The following RORB variants were observed in gnomAD, a reference collection of about 807,000 sequenced individuals.
The protein encoded by RORB is nuclear receptor ROR-beta.
A neutral mutation model predicts 59.1 loss-of-function variants in RORB; 6 were observed. That is an observed-to-expected ratio of 0.10 (90% CI 0.06 to 0.20). The LOEUF (loss-of-function observed/expected upper bound fraction) is 0.20, where lower values mean the gene tolerates loss of function less well. RORB is among the 10% of genes least tolerant of loss of function. The probability of loss-of-function intolerance (pLI) is 1.00; values close to 1 mark genes in which losing one functional copy is unlikely to be tolerated. For missense variants in RORB, 320 were observed against 560.5 expected (o/e 0.57, Z 4.33); for synonymous variants, 215 against 204.5 (o/e 1.05, Z -0.44).
Position 74,634,719 on chromosome 9 carries a change from G to A in RORB, c.182G>A (p.Arg61His), listed in dbSNP as rs746343452. 3 of 1,613,608 alleles carry A rather than the reference G, an allele frequency of 1.9e-6. No homozygotes were observed. Among genetic ancestry groups the A allele is most frequent in the Admixed American group, 1.7e-5 (1 of 59,968 alleles). ...NCLIDRTNRN[R>H]CQHCRLQKCL... The stretch of plus-strand genomic sequence containing the variant: ...TTAATTGACAGAACGAACAGAAACC[G>A]TTGCCAACACTGCCGACTGCAGAAG... The change falls in exon 3 of 10, where the codon CGT becomes CAT. Residue 61 changes from arginine (R) to histidine (H), a missense_variant. Arg to His is a conservative substitution (Grantham distance 29). Coordinates refer to ENST00000376896, the MANE Select transcript of RORB (RefSeq NM_006914.4).
chr9:74,642,806 A>G lies in RORB; in HGVS notation c.628A>G (p.Thr210Ala). The G allele has an allele frequency of 6.3e-7, 1 of 1,586,402 alleles. No individual in the cohort carries two copies. Among genetic ancestry groups the G allele is most frequent in the Non-Finnish European group, 8.6e-7 (1 of 1,162,378 alleles). ...NGQLAPGITM[T>A]EIDRIAQNII... ...GCAGTTAGCACCAGGGATAACCATG[A>G]CTGAAATCGGTAAGTGGAAGTCTCC... Residue 210 changes from threonine to alanine, a missense_variant, in exon 4 of 10, where the codon ACT (threonine) becomes GCT (alanine). Thr to Ala is a moderately conservative substitution (Grantham distance 58, BLOSUM62 0). Coordinates refer to ENST00000376896, the MANE Select transcript of RORB (RefSeq NM_006914.4).
chr9:74,577,277 C>A (rs1260176646), intron 1 of RORB, among the ~76,000 whole-genome samples: 7 of 152,048 alleles, frequency 4.6e-5, no homozygotes, highest in Non-Finnish European at 8.8e-5. Flanking sequence ...GTAAAAGAGT[C>A]CTATCCTCCT....
At chr9:74,541,699 C>T (rs1229354771) in intron 1 of RORB, among the ~76,000 whole-genome samples, 5 of 152,136 alleles carry the variant, frequency 3.3e-5, no homozygotes, top group Non-Finnish European at 4.4e-5. Context: ...ATAAGCTTCC[C>T]TTTAATAAAC....
intron 4 of RORB, among the ~76,000 whole-genome samples, chr9:74,650,254 G>T (rs770892148): frequency 1.3e-5 from 2 of 152,190 alleles, no homozygotes; most frequent in Non-Finnish European, 2.9e-5. Context: ...GAAGCCATAC[G>T]TTTAAGGCAT....
chr9:74,530,378 T>C (rs1384789596), intron 1 of RORB, among the ~76,000 whole-genome samples: 2 of 152,026 alleles, frequency 1.3e-5, no homozygotes, highest in Admixed American at 1.3e-4. Context: ...ACACTGGTCA[T>C]GTTATGGATG....
chr9:74,505,893 A>G (rs2118025380), intron 1 of RORB, among the ~76,000 whole-genome samples: 1 of 152,124 alleles, frequency 6.6e-6, no homozygotes, highest in South Asian at 2.1e-4. Context: ...AAATCCTTTA[A>G]GGCAATTTTT....
intron 6 of RORB, among the ~76,000 whole-genome samples, chr9:74,663,644 C>A (rs1348391003): frequency 6.6e-6 from 1 of 152,138 alleles, no homozygotes; most frequent in Non-Finnish European, 1.5e-5. Flanking sequence ...GTGGGAGTGA[C>A]CTTATCTCTG....
At chr9:74,525,090 G>A (rs1409234467) in intron 1 of RORB, among the ~76,000 whole-genome samples, 1 of 151,768 alleles carries the variant, frequency 6.6e-6, no homozygotes, top group Non-Finnish European at 1.5e-5. Flanking sequence ...AAACACAAAA[G>A]ATTAACCCAA....
rs1824689711 is a variant in RORB at position 74,688,746 on chromosome 9, T to A, written c.*3128T>A. On this transcript the variant is annotated 3_prime_UTR_variant, in exon 10 of 10. Coordinates refer to ENST00000376896, the MANE Select transcript of RORB (RefSeq NM_006914.4). ...ATGTCATAAACTAGATTGACTTATT[T>A]GGACTTGCTGAAAAGTTGCACCCAA... is the stretch of plus-strand genomic sequence containing the variant. The A allele has an allele frequency of 6.6e-6, 1 of 152,246 alleles. No homozygotes were observed. The highest frequency in any genetic ancestry group is 2.4e-5 in the African/African-American group (1 of 41,468). The allele number at this position is 152,246 out of a possible 1,614,324, so 9.4% of individuals were successfully genotyped here. A position where few individuals can be genotyped will look rare whatever the true frequency, so the allele number is the denominator to read the frequency against.
intron 1 of RORB, among the ~76,000 whole-genome samples, chr9:74,582,941 G>A (rs1160458682): frequency 6.6e-6 from 1 of 152,166 alleles, no homozygotes; most frequent in African/African-American, 2.4e-5. Flanking sequence ...AGTGAGAGCT[G>A]CTAAATGTTC....
At position 74,621,804 on chromosome 9, in the gene RORB, G is replaced by T. The variant is rs965873864; in HGVS notation, c.8-8478G>T. 7.2e-5 allele frequency among the ~76,000 whole-genome samples: 11 copies of T among 152,076 alleles called. No individual in the cohort carries two copies. In the East Asian group the frequency reaches 2.1e-3, roughly 29 times the overall value. ...AGTGGCACCTCATTGCTTTTAATTT[G>T]CAATTCCTTAATGACATATGATATT... On this transcript the variant is annotated intron_variant, in intron 1 of 9. Transcript: ENST00000376896.
chr9:74,572,864 C>A (rs17612183), intron 1 of RORB, among the ~76,000 whole-genome samples: 1 of 152,098 alleles, frequency 6.6e-6, no homozygotes, highest in African/African-American at 2.4e-5. Flanking sequence ...ATTTTCCCTT[C>A]GTGTGTGGCA....
chr9:74,688,451 T>C lies in RORB; in HGVS notation c.*2833T>C, dbSNP rs1025459892. ...TTCCTTCCCCATGAGGACTAACAAA[T>C]GTTCACAACAATCATGATCAAGTGT... On this transcript the variant is annotated 3_prime_UTR_variant, in exon 10 of 10. Transcript: ENST00000376896. The C allele has an allele frequency of 1.3e-5, 2 of 152,142 alleles. No individual in the cohort carries two copies. Among genetic ancestry groups the C allele is most frequent in the African/African-American group, 4.8e-5 (2 of 41,434 alleles). The allele number at this position is 152,142 out of a possible 1,614,324, so 9.4% of individuals were successfully genotyped here.
At chr9:74,519,287 C>T (rs565643252) in intron 1 of RORB, among the ~76,000 whole-genome samples, 2 of 152,046 alleles carry the variant, frequency 1.3e-5, no homozygotes, top group South Asian at 2.1e-4. Context: ...CACGCATGCA[C>T]GCGGGAAGTA....
At chr9:74,662,740 A>T (rs1457689928) in intron 6 of RORB, 134 bp downstream of exon 6, 7 of 856,854 alleles carry the variant, frequency 8.2e-6, no homozygotes, top group Non-Finnish European at 1.3e-5. Flanking sequence ...CCAACTCCCA[A>T]AGGAAACTCT....
intron 1 of RORB, among the ~76,000 whole-genome samples, chr9:74,515,244 A>G (rs1825992105): frequency 6.6e-6 from 1 of 151,710 alleles, no homozygotes; most frequent in Non-Finnish European, 1.5e-5. Context: ...CAAATTTCTG[A>G]TTAAGCAGTG....
chr9:74,572,462 AG>A (rs1410155463), intron 1 of RORB, among the ~76,000 whole-genome samples: 1 of 152,148 alleles, frequency 6.6e-6, no homozygotes, highest in Non-Finnish European at 1.5e-5. Flanking sequence ...GAGAGAGCCA[AG>A]ATCTGCCTCT....
intron 1 of RORB, among the ~76,000 whole-genome samples, chr9:74,556,616 C>G (rs1222970944): frequency 1.3e-5 from 2 of 152,174 alleles, no homozygotes; most frequent in Non-Finnish European, 2.9e-5. Context: ...GCACCACACA[C>G]TGTTTTACTT....
In RORB at chr9:74,599,157, A is replaced by G. The variant is rs549594189; in HGVS notation, c.8-31125A>G. On this transcript the variant is annotated intron_variant, in intron 1 of 9. Transcript: ENST00000376896. ...GTGACAAACTCAAACCATAGCAAAG[A>G]GGCTTTGTATCCTTTGACTAATATT... Among the ~76,000 whole-genome samples, 3 of 152,280 alleles carry G rather than the reference A, an allele frequency of 2.0e-5. No homozygotes were observed. In the South Asian group the frequency reaches 6.2e-4, roughly 32 times the overall value.
Sources: allele counts gnomAD v4.1 joint callset (sites outside exome capture counted in the v4.1 genomes callset), GRCh38; gene constraint gnomAD v4.1.1; transcripts MANE v1.5; gene names NCBI Gene and HGNC (gene_info 2026-07-23, HGNC 2026-07-21).